The following ATP9B variants were observed in gnomAD, a reference collection of about 807,000 sequenced individuals.
The protein encoded by ATP9B is ATPase phospholipid transporting 9B.
Under a neutral mutation model 146.1 loss-of-function variants are expected in ATP9B, and 110 were observed. That is an observed-to-expected ratio of 0.75 (90% CI 0.65 to 0.88). ATP9B has a LOEUF of 0.88. Among genes scored for constraint, ATP9B ranks in the 40% least tolerant of loss-of-function variants. The pLI, the probability that ATP9B is intolerant of heterozygous loss-of-function variation, is 0.00. For missense variants in ATP9B, 1,499 were observed against 1,496.4 expected, an observed-to-expected ratio of 1.00 and a Z score of -0.03; for synonymous variants, 604 against 569.7, an observed-to-expected ratio of 1.06 and a Z score of -0.86.
chr18:79,271,382 C>A (rs1599456169), intron 12 of ATP9B, among the ~76,000 whole-genome samples: 1 of 294 alleles, frequency 3.4e-3, no homozygotes, highest in African/African-American at 0.017. Flanking sequence ...TGCTATCCCT[C>A]CCCCAGGCCC....
At chr18:79,368,235 C>T (rs1281569911) in intron 26 of ATP9B, among the ~76,000 whole-genome samples, 1 of 152,244 alleles carries the variant, frequency 6.6e-6, no homozygotes, top group Non-Finnish European at 1.5e-5. Context: ...CTTCAATTTT[C>T]CTAGGATAGA....
intron 12 of ATP9B, among the ~76,000 whole-genome samples, chr18:79,264,064 G>A (rs2096175231): frequency 6.6e-6 from 1 of 151,948 alleles, no homozygotes; most frequent in African/African-American, 2.4e-5. Flanking sequence ...CAGCCCAGGC[G>A]ACAGTGTAAG....
chr18:79,271,803 G>A (rs1438063141), intron 12 of ATP9B, among the ~76,000 whole-genome samples: 1 of 152,092 alleles, frequency 6.6e-6, no homozygotes, highest in Non-Finnish European at 1.5e-5. Context: ...AGATCCCTGA[G>A]GAATCACCAC....
chr18:79,196,521 GA>G (rs898370911), intron 9 of ATP9B, among the ~76,000 whole-genome samples: 2 of 152,218 alleles, frequency 1.3e-5, no homozygotes, highest in African/African-American at 4.8e-5. Flanking sequence ...AAGGCAGTCA[GA>G]GACTATTGAA....
chr18:79,314,863 C>T (rs1006986692), intron 15 of ATP9B, among the ~76,000 whole-genome samples: 2 of 152,180 alleles, frequency 1.3e-5, no homozygotes, highest in African/African-American at 2.4e-5. Flanking sequence ...CATGAGCCCT[C>T]GGAGAAGGAC....
intron 23 of ATP9B, among the ~76,000 whole-genome samples, chr18:79,346,097 C>T (rs906569982): frequency 2.7e-5 from 4 of 148,932 alleles, no homozygotes; most frequent in East Asian, 2.0e-4. Flanking sequence ...AGCACACACT[C>T]GGCACACGGT....
At position 79,246,574 on chromosome 18, in the gene ATP9B, C is replaced by T. The variant is rs564344616; in HGVS notation, c.1108-6807C>T. Among the ~76,000 whole-genome samples the T allele has an allele frequency of 3.9e-5, 6 of 152,260 alleles. No homozygotes were observed. In the South Asian group the frequency reaches 1.2e-3, roughly 32 times the overall value. Reference sequence around the variant, plus strand: ...GTGACAAAACATAAATTTAGGGTAACGCTTTTTGTCAGAAATAAATAAATG... The same window carrying T: ...GTGACAAAACATAAATTTAGGGTAATGCTTTTTGTCAGAAATAAATAAATG... On this transcript the variant is annotated intron_variant, in intron 11 of 29. Transcript: ENST00000426216.
chr18:79,304,842 C>T (rs1402919644), intron 14 of ATP9B, among the ~76,000 whole-genome samples: 1 of 152,230 alleles, frequency 6.6e-6, no homozygotes, highest in Non-Finnish European at 1.5e-5. Context: ...GACTAGCAGA[C>T]AAGGCTGCAG....
chr18:79,311,494 G>A (rs2096652306), intron 15 of ATP9B, among the ~76,000 whole-genome samples: 1 of 152,126 alleles, frequency 6.6e-6, no homozygotes, highest in Non-Finnish European at 1.5e-5. Context: ...ATTCGACAAA[G>A]TATAAGCCAC....
intron 1 of ATP9B, among the ~76,000 whole-genome samples, chr18:79,070,284 G>T (rs1369856000): frequency 1.3e-5 from 2 of 152,172 alleles, no homozygotes; most frequent in African/African-American, 4.8e-5. Flanking sequence ...ATATGTAGTT[G>T]CTTCAGAATT....
intron 9 of ATP9B, among the ~76,000 whole-genome samples, chr18:79,201,007 C>T (rs989775777): frequency 3.9e-5 from 6 of 152,184 alleles, no homozygotes; most frequent in African/African-American, 1.4e-4. Flanking sequence ...GGCTTCACCC[C>T]ATGAGGCACA....
intron 7 of ATP9B, among the ~76,000 whole-genome samples, chr18:79,163,806 G>C (rs1481791120): frequency 6.8e-6 from 1 of 147,788 alleles, no homozygotes; most frequent in East Asian, 2.0e-4. Flanking sequence ...CAATTGTTTA[G>C]TTATTTACCT....
At chr18:79,195,252 T>C (rs1326334556) in intron 9 of ATP9B, among the ~76,000 whole-genome samples, 1 of 101,828 alleles carries the variant, frequency 9.8e-6, no homozygotes, top group Non-Finnish European at 1.8e-5. Context: ...ATAGCTCTTA[T>C]TATTATGAAT....
rs1199018224 is a variant in ATP9B, at chr18:79,193,259, C to A, written c.950C>A (p.Thr317Asn). 14 of 1,603,904 alleles carry A rather than the reference C, an allele frequency of 8.7e-6. No individual in the cohort carries two copies. The highest frequency in any genetic ancestry group is 4.0e-5 in the African/African-American group (3 of 74,664). The change falls in exon 9 of 30, where the codon ACC (threonine) becomes AAC (asparagine). Residue 317 changes from threonine to asparagine, a missense_variant. Physicochemically the swap from Thr to Asn is moderately conservative, Grantham distance 65 (BLOSUM62 0). Coordinates refer to ENST00000426216, the MANE Select transcript of ATP9B (RefSeq NM_198531.5). ...MDIHSFEGTFTREDSDPPIHE... is the reference protein window; with the variant it reads ...MDIHSFEGTFNREDSDPPIHE... ...ATTCACAGTTTCGAAGGCACATTTACCAGGGTAAGTTAAACCTGTTGTTCA... is the reference window on the plus strand; with the variant it reads ...ATTCACAGTTTCGAAGGCACATTTAACAGGGTAAGTTAAACCTGTTGTTCA...
chr18:79,376,821 G>A (rs527789178), intron 29 of ATP9B, among the ~76,000 whole-genome samples: 10 of 150,550 alleles, frequency 6.6e-5, no homozygotes, highest in African/African-American at 2.0e-4. Context: ...CCACCTCCCC[G>A]GTAGCTGGGA....
chr18:79,362,470 G>A (rs1329933802), intron 26 of ATP9B: 2 of 152,178 alleles, frequency 1.3e-5, no homozygotes, highest in African/African-American at 4.8e-5. Flanking sequence ...TGGTATATTT[G>A]CAACACTATT....
chr18:79,262,850 C>G (rs960651534), intron 12 of ATP9B, among the ~76,000 whole-genome samples: 1 of 152,138 alleles, frequency 6.6e-6, no homozygotes, highest in African/African-American at 2.4e-5. Context: ...CTGTATAAAT[C>G]TCTTATTAGT....
chr18:79,308,537 G>T (rs1211607362), intron 15 of ATP9B, among the ~76,000 whole-genome samples: 1 of 152,196 alleles, frequency 6.6e-6, no homozygotes, highest in African/African-American at 2.4e-5. Flanking sequence ...AAGAAGGCAG[G>T]TGCAGAAGGC....
intron 12 of ATP9B, among the ~76,000 whole-genome samples, chr18:79,273,287 G>A (rs1166066516): frequency 6.6e-6 from 1 of 152,134 alleles, no homozygotes; most frequent in African/African-American, 2.4e-5. Flanking sequence ...TCGACATTTT[G>A]GGTCTTGTCT....
Sources: gnomAD v4.1 joint callset for allele counts (sites outside exome capture counted in the v4.1 genomes callset) on GRCh38, gnomAD v4.1.1 for gene constraint, MANE v1.5 for transcripts, NCBI Gene and HGNC (gene_info 2026-07-23, HGNC 2026-07-21) for gene names.